Variants in FBXO34 observed in about 807,000 individuals in gnomAD.
FBXO34 encodes the protein F-box only protein 34.
A neutral mutation model predicts 24.5 loss-of-function variants in FBXO34; 12 were observed. The observed-to-expected ratio is 0.49, with a 90% confidence interval of 0.31 to 0.79. The LOEUF (loss-of-function observed/expected upper bound fraction) is 0.79, where lower values mean the gene tolerates loss of function less well. Among genes scored for constraint, FBXO34 ranks in the 30% least tolerant of loss-of-function variants. The probability of loss-of-function intolerance (pLI) is 0.04; values close to 1 mark genes in which losing one functional copy is unlikely to be tolerated. For missense variants in FBXO34, 823 were observed against 857.7 expected (o/e 0.96, Z 0.51); for synonymous variants, 320 against 311.9 (o/e 1.03, Z -0.27).
chr14:55,397,105 C>T, the FBXO34 span, among the ~76,000 whole-genome samples: 1 of 152,178 alleles, frequency 6.6e-6, no homozygotes, highest in Non-Finnish European at 1.5e-5. Flanking sequence ...CTGTCCTGGA[C>T]CCACACATCA....
chr14:55,350,427 G>C lies in FBXO34; in HGVS notation c.37G>C (p.Glu13Gln). 1 of 1,599,366 alleles carries C rather than the reference G, an allele frequency of 6.3e-7. No homozygotes were observed. ...LKPYWKLQKK[E>Q]HPPEVSRETQ... ...GCCATATTGGAAGCTCCAGAAGAAA[G>C]AGCACCCCCCGGAAGTCAGCAGGGA... The change falls in exon 2 of 2, where the codon GAG becomes CAG. Residue 13 changes from glutamate (E) to glutamine (Q), a missense_variant. Physicochemically the swap from Glu to Gln is conservative, Grantham distance 29. Transcript: ENST00000313833.
At chr14:55,296,188 TA>T (rs1882115373) in intron 1 of FBXO34, among the ~76,000 whole-genome samples, 1 of 152,246 alleles carries the variant, frequency 6.6e-6, no homozygotes, top group African/African-American at 2.4e-5. Flanking sequence ...GGCTCCTAAT[TA>T]TCTCTTCTAC....
chr14:55,439,782 T>G, the FBXO34 span, among the ~76,000 whole-genome samples: 7 of 151,368 alleles, frequency 4.6e-5, no homozygotes, highest in African/African-American at 1.5e-4. Context: ...TACAAAAAAA[T>G]TAGCCGGGCG....
chr14:55,382,344 ACT>A, the FBXO34 span, among the ~76,000 whole-genome samples: 1 of 152,074 alleles, frequency 6.6e-6, no homozygotes, highest in Non-Finnish European at 1.5e-5. Flanking sequence ...GATGGGTGTC[ACT>A]CTGTTATCCA....
chr14:55,395,802 G>T, the FBXO34 span: 1 of 486,948 alleles, frequency 2.1e-6, no homozygotes, highest in Non-Finnish European at 3.4e-6. Context: ...AAATATTTGA[G>T]AAAGCCACGC....
At chr14:55,428,698 CTT>C in the FBXO34 span, 166 of 973,236 alleles carry the variant, frequency 1.7e-4, no homozygotes, top group Non-Finnish European at 1.8e-4. Context: ...TGTCCCCCGC[CTT>C]TTTTTTTTTA....
At chr14:55,298,231 G>T (rs1191881803) in intron 1 of FBXO34, among the ~76,000 whole-genome samples, 1 of 150,228 alleles carries the variant, frequency 6.7e-6, no homozygotes, top group Non-Finnish European at 1.5e-5. Context: ...TTTTTTTTAA[G>T]CTCATCAAAT....
intron 1 of FBXO34, among the ~76,000 whole-genome samples, chr14:55,343,744 A>G (rs985827031): frequency 5.9e-5 from 9 of 152,238 alleles, no homozygotes; most frequent in Admixed American, 1.3e-4. Context: ...GTGGCTTCCT[A>G]TTAGCACTAA....
At chr14:55,437,623 A>G in the FBXO34 span, among the ~76,000 whole-genome samples, 1 of 152,252 alleles carries the variant, frequency 6.6e-6, no homozygotes, top group Non-Finnish European at 1.5e-5. Flanking sequence ...CAATTTTGCA[A>G]TAGAGGCAAT....
chr14:55,395,658 GATAA>G, the FBXO34 span, among the ~76,000 whole-genome samples: 2 of 152,152 alleles, frequency 1.3e-5, no homozygotes, highest in Non-Finnish European at 2.9e-5. Flanking sequence ...GAGTGTGTAT[GATAA>G]ATAATTTTTG....
chr14:55,316,790 A>G (rs1882945703), intron 1 of FBXO34, among the ~76,000 whole-genome samples: 3 of 151,526 alleles, frequency 2.0e-5, no homozygotes, highest in African/African-American at 7.3e-5. Context: ...CGATTTTCAG[A>G]CTCAAAGTCC....
chr14:55,372,347 C>T (rs1250398018), downstream of FBXO34, among the ~76,000 whole-genome samples: 4 of 152,132 alleles, frequency 2.6e-5, no homozygotes, highest in African/African-American at 9.7e-5. Context: ...TGGCACGCAC[C>T]CACTAAAAAA....
At chr14:55,326,352 T>A (rs1883342303) in intron 1 of FBXO34, among the ~76,000 whole-genome samples, 1 of 152,246 alleles carries the variant, frequency 6.6e-6, no homozygotes, top group Non-Finnish European at 1.5e-5. Context: ...TGTGCTTTTT[T>A]AGACTTCGGC....
chr14:55,440,470 G>A, the FBXO34 span: 4 of 1,611,866 alleles, frequency 2.5e-6, no homozygotes, highest in African/African-American at 1.3e-5. Context: ...CCCACTGTTG[G>A]GGGTGGGGGC....
the FBXO34 span, among the ~76,000 whole-genome samples, chr14:55,427,193 C>T: frequency 1.3e-5 from 2 of 152,062 alleles, no homozygotes; most frequent in Admixed American, 6.5e-5. Flanking sequence ...CCTAAAGAGG[C>T]AACATGTCTT....
intron 1 of FBXO34, among the ~76,000 whole-genome samples, chr14:55,327,570 G>A (rs919001744): frequency 2.0e-5 from 3 of 152,136 alleles, no homozygotes; most frequent in African/African-American, 7.2e-5. Context: ...TTTTCCAATA[G>A]CATTAGCTAT....
intron 1 of FBXO34, among the ~76,000 whole-genome samples, chr14:55,278,755 A>G (rs537256425): frequency 6.6e-6 from 1 of 152,284 alleles, no homozygotes; most frequent in African/African-American, 2.4e-5. Context: ...TGGTGCTAAC[A>G]AGGCTCACTG....
intron 1 of FBXO34, among the ~76,000 whole-genome samples, chr14:55,272,982 A>G (rs1261553747): frequency 6.6e-6 from 1 of 152,228 alleles, no homozygotes; most frequent in Non-Finnish European, 1.5e-5. Flanking sequence ...GAAGCTAGTC[A>G]CTTTGTCATA....
chr14:55,420,332 C>G, the FBXO34 span, among the ~76,000 whole-genome samples: 1 of 152,186 alleles, frequency 6.6e-6, no homozygotes, highest in Non-Finnish European at 1.5e-5. Flanking sequence ...GGCGTGAGCA[C>G]AACGCCTAGC....
Sources: gnomAD v4.1 joint callset for allele counts (sites outside exome capture counted in the v4.1 genomes callset) on GRCh38, gnomAD v4.1.1 for gene constraint, MANE v1.5 for transcripts, NCBI Gene and HGNC (gene_info 2026-07-23, HGNC 2026-07-21) for gene names.